The following BBS9 variants were observed in gnomAD, a reference collection of about 807,000 sequenced individuals.
The protein encoded by BBS9 is Bardet-Biedl syndrome 9.
Under a neutral mutation model 117.7 loss-of-function variants are expected in BBS9, and 89 were observed. The ratio of observed to expected loss-of-function variants is 0.76; its 90% CI spans 0.64 to 0.90. The LOEUF (loss-of-function observed/expected upper bound fraction) is 0.90, where lower values mean the gene tolerates loss of function less well. BBS9 is among the 40% of genes least tolerant of loss of function. The pLI is 0.00. For missense variants in BBS9, 982 were observed against 1,042.2 expected, an observed-to-expected ratio of 0.94 and a Z score of 0.80; for synonymous variants, 379 against 370.9, an observed-to-expected ratio of 1.02 and a Z score of -0.25.
At chr7:33,563,032 G>C (rs1277079982) in intron 21 of BBS9, among the ~76,000 whole-genome samples, 2 of 152,114 alleles carry the variant, frequency 1.3e-5, no homozygotes, top group African/African-American at 4.8e-5. Flanking sequence ...GCAATGGAGA[G>C]TATAGGTATA....
At chr7:33,611,573 A>G (rs1271931263) in intron 21 of BBS9, among the ~76,000 whole-genome samples, 1 of 132,122 alleles carries the variant, frequency 7.6e-6, no homozygotes, top group African/African-American at 3.1e-5. Flanking sequence ...TATGTAATAT[A>G]TAAGGTATAT....
At chr7:33,268,893 A>T (rs968191307) in intron 7 of BBS9, among the ~76,000 whole-genome samples, 2 of 152,214 alleles carry the variant, frequency 1.3e-5, no homozygotes. Context: ...GCCAAATGCT[A>T]GCCTGTTACA....
At chr7:33,137,786 A>G (rs545809256) in intron 1 of BBS9, among the ~76,000 whole-genome samples, 1 of 152,316 alleles carries the variant, frequency 6.6e-6, no homozygotes, top group South Asian at 2.1e-4. Context: ...TGTTCAATAA[A>G]TTATCGTCTA....
chr7:33,413,821 A>C lies in BBS9; in HGVS notation c.2115+25677A>C, dbSNP rs568853626. Among the ~76,000 whole-genome samples the C allele has an allele frequency of 4.7e-4, 72 of 152,296 alleles. 1 individual carries two copies. In the South Asian group the frequency reaches 0.015, roughly 32 times the overall value. The stretch of plus-strand genomic sequence containing the variant: ...CAGATCACCTGAGGTCAGGAGTTTG[A>C]GACCAGCCTGACCAACATGGAAAAA... On this transcript the variant is annotated intron_variant, in intron 19 of 22. Transcript: ENST00000242067.
At chr7:33,241,284 T>C (rs1214764428) in intron 5 of BBS9, among the ~76,000 whole-genome samples, 1 of 152,180 alleles carries the variant, frequency 6.6e-6, no homozygotes, top group Non-Finnish European at 1.5e-5. Flanking sequence ...ATATATAACA[T>C]TCCACTCTAC....
intron 20 of BBS9, among the ~76,000 whole-genome samples, chr7:33,524,493 G>C (rs372390057): frequency 2.0e-5 from 3 of 152,082 alleles, no homozygotes; most frequent in Admixed American, 6.6e-5. Flanking sequence ...TGTATGTGTC[G>C]AGGAATTTAT....
intron 5 of BBS9, among the ~76,000 whole-genome samples, chr7:33,229,325 T>C (rs1377908144): frequency 2.6e-5 from 3 of 116,404 alleles, no homozygotes; most frequent in Non-Finnish European, 5.5e-5. Context: ...TTTTATACTC[T>C]GACTTCATAT....
chr7:33,346,378 G>A (rs1341719584), intron 12 of BBS9: 1 of 382,332 alleles, frequency 2.6e-6, no homozygotes, highest in Non-Finnish European at 5.3e-6. Flanking sequence ...TAGGCGAGTG[G>A]TTGTTCATAC....
chr7:33,611,326 A>T lies in BBS9; in HGVS notation c.2522-23851A>T, dbSNP rs534140396. 3.3e-5 allele frequency among the ~76,000 whole-genome samples: 5 copies of T among 151,444 alleles called. No individual in the cohort carries two copies. The South Asian group carries it at 6.2e-4, about 19-fold the overall frequency. Reference sequence around the variant, plus strand: ...TTTATGTAAACAAAAAAATCTAGAAACTTTATCTTCTCAGTTAGAACAGAG... The same window carrying T: ...TTTATGTAAACAAAAAAATCTAGAATCTTTATCTTCTCAGTTAGAACAGAG... On this transcript the variant is annotated intron_variant, in intron 21 of 21. Transcript: ENST00000671952.
At chr7:33,555,651 G>A (rs933658936) in intron 21 of BBS9, among the ~76,000 whole-genome samples, 3 of 152,122 alleles carry the variant, frequency 2.0e-5, no homozygotes, top group Non-Finnish European at 2.9e-5. Flanking sequence ...GGGGAAAGGA[G>A]AGGTATCAGA....
chr7:33,204,732 A>G (rs1410758889), intron 5 of BBS9, among the ~76,000 whole-genome samples: 1 of 152,202 alleles, frequency 6.6e-6, no homozygotes, highest in Non-Finnish European at 1.5e-5. Flanking sequence ...GCATGTAGCC[A>G]TCACTACTAC....
chr7:33,593,418 G>A (rs963567860), intron 21 of BBS9, among the ~76,000 whole-genome samples: 1 of 151,882 alleles, frequency 6.6e-6, no homozygotes, highest in Non-Finnish European at 1.5e-5. Flanking sequence ...GTTTTGTTTT[G>A]TTTTGGTTTT....
At chr7:33,532,193 A>T (rs1243828766) in intron 20 of BBS9, among the ~76,000 whole-genome samples, 1 of 152,234 alleles carries the variant, frequency 6.6e-6, no homozygotes, top group African/African-American at 2.4e-5. Context: ...TTGGCCAGCT[A>T]AAGAATAGAG....
At chr7:33,628,942 T>G (rs1274478493) in intron 21 of BBS9, among the ~76,000 whole-genome samples, 1 of 152,090 alleles carries the variant, frequency 6.6e-6, no homozygotes, top group Non-Finnish European at 1.5e-5. Flanking sequence ...AACAACACAG[T>G]AAATGCAATG....
chr7:33,575,903 T>A (rs545438106), intron 21 of BBS9, among the ~76,000 whole-genome samples: 18 of 152,222 alleles, frequency 1.2e-4, no homozygotes, highest in African/African-American at 4.1e-4. Context: ...ATGGAACATA[T>A]CTCAAAATAA....
intron 19 of BBS9, among the ~76,000 whole-genome samples, chr7:33,401,879 CAAAG>C (rs1828976601): frequency 1.3e-5 from 2 of 152,124 alleles, no homozygotes; most frequent in African/African-American, 4.8e-5. Context: ...CAAGATTTGA[CAAAG>C]AAACATATTT....
In BBS9 at chr7:33,303,593, G is replaced by A. The variant is rs949221342; in HGVS notation, c.1016+29637G>A. On this transcript the variant is annotated intron_variant, in intron 9 of 22. Coordinates refer to ENST00000242067, the MANE Select transcript of BBS9 (RefSeq NM_198428.3). ...GACTGTACTGCCGTGATCTCGGCTC[G>A]CTGCAACCTCCCTGCCTCGGGCTCC... 2.6e-4 allele frequency among the ~76,000 whole-genome samples: 36 copies of A among 138,484 alleles called. No individual in the cohort carries two copies. In the Admixed American group the frequency reaches 2.7e-3, roughly 10 times the overall value. The allele number at this position is 138,484 out of a possible 152,430, so 90.9% of individuals were successfully genotyped here.
At chr7:33,174,874 G>A (rs1797105782) in intron 4 of BBS9, among the ~76,000 whole-genome samples, 1 of 152,198 alleles carries the variant, frequency 6.6e-6, no homozygotes, top group Non-Finnish European at 1.5e-5. Context: ...TGGCTGGTTT[G>A]GTTGTGATTC....
intron 21 of BBS9, among the ~76,000 whole-genome samples, chr7:33,579,309 T>C (rs1246803011): frequency 6.6e-6 from 1 of 152,160 alleles, no homozygotes; most frequent in South Asian, 2.1e-4. Context: ...CTATCTGAGA[T>C]GGAACAGGAC....
Sources: gnomAD v4.1 joint callset for allele counts (sites outside exome capture counted in the v4.1 genomes callset) on GRCh38, gnomAD v4.1.1 for gene constraint, MANE v1.5 for transcripts, NCBI Gene and HGNC (gene_info 2026-07-23, HGNC 2026-07-21) for gene names.